RAB27A: variants seen among roughly 807,000 people sequenced by gnomAD.
RAB27A encodes the protein RAB27A, member RAS oncogene family.
Under a neutral mutation model 20.8 loss-of-function variants are expected in RAB27A, and 17 were observed. The observed-to-expected ratio is 0.82, with a 90% CI of 0.56 to 1.23. The LOEUF (loss-of-function observed/expected upper bound fraction) is 1.23, where lower values mean the gene tolerates loss of function less well. Among genes scored for constraint, RAB27A ranks in the 50% most tolerant of loss-of-function variants. The pLI is 0.00. For synonymous variants in RAB27A, 85 were observed against 92.8 expected (o/e 0.92, Z 0.48); for missense variants, 277 against 266.7 (o/e 1.04, Z -0.27).
chr15:55,256,510 T>C (rs759944654), intron 2 of RAB27A, among the ~76,000 whole-genome samples: 6 of 152,180 alleles, frequency 3.9e-5, no homozygotes, highest in Admixed American at 6.5e-5. Flanking sequence ...AAGATTTAGC[T>C]AGATAGTGAA....
chr15:55,220,588 T>G (rs1234833574), intron 6 of RAB27A, among the ~76,000 whole-genome samples: 1 of 152,138 alleles, frequency 6.6e-6, no homozygotes, highest in Non-Finnish European at 1.5e-5. Flanking sequence ...TCTGTTTTTA[T>G]GAATTGAGAA....
chr15:55,209,212 T>G (rs1189864511), intron 6 of RAB27A, among the ~76,000 whole-genome samples: 1 of 152,182 alleles, frequency 6.6e-6, no homozygotes, highest in African/African-American at 2.4e-5. Context: ...GTCACCCTAC[T>G]GATCCTTCTA....
exon 2 of RAB27A, chr15:55,314,074 G>T (rs966566966): frequency 6.6e-6 from 1 of 150,800 alleles, no homozygotes; most frequent in Admixed American, 6.7e-5. Flanking sequence ...TGAGGCAGGA[G>T]AATCACTTGA....
chr15:55,244,090 C>T (rs191166826), intron 2 of RAB27A, among the ~76,000 whole-genome samples: 36 of 152,214 alleles, frequency 2.4e-4, no homozygotes, highest in Non-Finnish European at 2.9e-5. Flanking sequence ...CACTTGAGGT[C>T]ACGAGTTCGA....
At chr15:55,312,253 T>TGGAC (rs2055024961) in intron 2 of RAB27A, among the ~76,000 whole-genome samples, 1 of 151,380 alleles carries the variant, frequency 6.6e-6, no homozygotes, top group Admixed American at 6.6e-5. Context: ...ACAACAGGGG[T>TGGAC]GGACGGCGAG....
At chr15:55,230,215 C>T (rs1388395816) in intron 4 of RAB27A, among the ~76,000 whole-genome samples, 186 bp downstream of exon 4, 1 of 152,188 alleles carries the variant, frequency 6.6e-6, no homozygotes, top group African/African-American at 2.4e-5. Context: ...ATAACCTCTC[C>T]CTTGACCTTG....
chr15:55,313,181 C>T (rs573076020), intron 2 of RAB27A, among the ~76,000 whole-genome samples: 2 of 152,292 alleles, frequency 1.3e-5, no homozygotes, highest in South Asian at 4.1e-4. Context: ...TTTGGGAGGC[C>T]AAGGGAAGAA....
chr15:55,267,806 T>A (rs1897555855), intron 2 of RAB27A, among the ~76,000 whole-genome samples: 1 of 151,972 alleles, frequency 6.6e-6, no homozygotes, highest in Non-Finnish European at 1.5e-5. Context: ...GTACCGAGGG[T>A]CCAGAGAGGG....
rs368156444 is a variant in RAB27A at position 55,209,828 on chromosome 15, A to G, written c.468-4123T>C. ...TATATACACACATGTGTGTATATAT[A>G]CATATATGTGTGTACACATATATGT... On this transcript the variant is annotated intron_variant, in intron 6 of 6. Transcript: ENST00000336787. Among the ~76,000 whole-genome samples, 9 of 130,822 alleles carry G rather than the reference A, an allele frequency of 6.9e-5. 4 individuals are homozygous for G. Among genetic ancestry groups the G allele is most frequent in the African/African-American group, 3.0e-4 (9 of 30,268 alleles). 85.8% of individuals were successfully genotyped at this position (130,822 alleles called of 152,430 possible).
intron 5 of RAB27A, among the ~76,000 whole-genome samples, chr15:55,225,041 A>G (rs1466076135): frequency 6.6e-6 from 1 of 152,204 alleles, no homozygotes; most frequent in Non-Finnish European, 1.5e-5. Context: ...GACAGACTAA[A>G]CTGTGTACCA....
intron 1 of RAB27A, among the ~76,000 whole-genome samples, chr15:55,287,930 C>T (rs1898200402): frequency 2.0e-5 from 3 of 152,068 alleles, no homozygotes; most frequent in Admixed American, 2.0e-4. Flanking sequence ...AACTGACAGT[C>T]CAGAAATAAA....
Position 55,205,685 on chromosome 15 carries a change from C to G in RAB27A, c.488G>C (p.Ser163Thr), listed in dbSNP as rs1361456018. 1.2e-6 allele frequency: 2 copies of G among 1,613,872 alleles called. No individual in the cohort carries two copies. Among genetic ancestry groups the G allele is most frequent in the Non-Finnish European group, 1.7e-6 (2 of 1,179,826 alleles). ...EKYGIPYFET[S>T]AANGTNISQA... The stretch of plus-strand genomic sequence containing the variant: ...GCTTATGTTTGTCCCATTGGCAGCA[C>G]TAGTTTCAAAGTAGGGGATTCTGGA... The change falls in exon 7 of 7, where the codon AGT (serine) becomes ACT (threonine). Residue 163 changes from serine (S) to threonine (T), a missense_variant. Ser to Thr is a moderately conservative substitution (Grantham distance 58). Transcript: ENST00000336787.
In RAB27A at chr15:55,227,166, C is replaced by T. The variant is rs181627767; in HGVS notation, c.343+1443G>A. 3.9e-4 allele frequency among the ~76,000 whole-genome samples: 60 copies of T among 152,222 alleles called. 1 individual carries two copies. The highest frequency in any genetic ancestry group is 1.2e-3 in the African/African-American group (49 of 41,538). ...AAAACAAAATACATACATATGTATA[C>T]ATATTTTCACATAATTTTGTTCTTT... On this transcript the variant is annotated intron_variant, in intron 5 of 6. Coordinates refer to ENST00000336787, the MANE Select transcript of RAB27A (RefSeq NM_183235.3).
At chr15:55,298,436 A>G (rs1278314693) in intron 2 of RAB27A, among the ~76,000 whole-genome samples, 1 of 152,142 alleles carries the variant, frequency 6.6e-6, no homozygotes, top group East Asian at 1.9e-4. Context: ...AGGGATTTTC[A>G]AAAGGGGAGG....
At chr15:55,252,590 A>G (rs116477004) in intron 2 of RAB27A, among the ~76,000 whole-genome samples, 500 of 152,280 alleles carry the variant, frequency 3.3e-3, no homozygotes, top group African/African-American at 0.011. Context: ...CGACAGAGTG[A>G]GATTCCATCT....
intron 1 of RAB27A, among the ~76,000 whole-genome samples, chr15:55,316,970 T>C (rs1040754506): frequency 1.1e-4 from 17 of 152,158 alleles, no homozygotes; most frequent in African/African-American, 4.1e-4. Context: ...GGTTCACATA[T>C]CTACAAACAC....
chr15:55,233,142 A>G (rs1437450214), intron 3 of RAB27A, among the ~76,000 whole-genome samples: 1 of 152,146 alleles, frequency 6.6e-6, no homozygotes, highest in African/African-American at 2.4e-5. Context: ...AAAAAGAAAA[A>G]AAAATTAACT....
chr15:55,228,613 C>G lies in RAB27A; in HGVS notation c.339G>C (p.Trp113Cys), dbSNP rs1299441468. The G allele has an allele frequency of 1.9e-6, 3 of 1,591,420 alleles. No individual in the cohort carries two copies. In the Admixed American group the frequency reaches 5.0e-5, roughly 27 times the overall value. The part of the protein sequence containing the change: ...NEQSFLNVRN[W>C]ISQLQMHAYC... ...CTGGGGAACAATAACACTTACTTAT[C>G]CAGTTTCTGACATTGAGGAAACTTT... Residue 113 changes from tryptophan (W) to cysteine (C), a missense_variant, in exon 5 of 7, where the codon TGG becomes TGC. Trp to Cys is a radical substitution (Grantham distance 215). Transcript: ENST00000336787.
chr15:55,220,286 A>G (rs967369039), intron 6 of RAB27A, among the ~76,000 whole-genome samples: 1 of 151,956 alleles, frequency 6.6e-6, no homozygotes, highest in African/African-American at 2.4e-5. Context: ...TTTTGTTTTG[A>G]GACAGAGTTT....
Sources: gnomAD v4.1 joint callset for allele counts (sites outside exome capture counted in the v4.1 genomes callset) on GRCh38, gnomAD v4.1.1 for gene constraint, MANE v1.5 for transcripts, NCBI Gene and HGNC (gene_info 2026-07-23, HGNC 2026-07-21) for gene names.